The following RXFP2 variants were observed in gnomAD, a reference collection of about 807,000 sequenced individuals.
RXFP2 encodes relaxin receptor 2.
Under a neutral mutation model 88.6 loss-of-function variants are expected in RXFP2, and 68 were observed. That is an observed-to-expected ratio of 0.77 (90% confidence interval 0.63 to 0.94). The LOEUF (loss-of-function observed/expected upper bound fraction) is 0.94, where lower values mean the gene tolerates loss of function less well. RXFP2 is among the 40% of genes least tolerant of loss of function. The probability of loss-of-function intolerance (pLI) is 0.00; values close to 1 mark genes in which losing one functional copy is unlikely to be tolerated. For synonymous variants in RXFP2, 329 were observed against 306.8 expected (o/e 1.07, Z -0.76); for missense variants, 791 against 893.9 (o/e 0.88, Z 1.47).
intron 1 of RXFP2, among the ~76,000 whole-genome samples, chr13:31,742,178 T>C (rs1020682866): frequency 3.9e-5 from 6 of 152,138 alleles, no homozygotes; most frequent in Non-Finnish European, 7.4e-5. Flanking sequence ...GCATGAAGCA[T>C]TGAGGCTGCT....
At chr13:31,740,105 A>G (rs1871170950) in intron 1 of RXFP2, among the ~76,000 whole-genome samples, 1 of 152,164 alleles carries the variant, frequency 6.6e-6, no homozygotes, top group Admixed American at 6.5e-5. Flanking sequence ...ATTAGTAACT[A>G]TCTTGCGTGA....
intron 16 of RXFP2, among the ~76,000 whole-genome samples, 170 bp downstream of exon 16, chr13:31,793,258 C>T (rs1222397370): frequency 6.6e-6 from 1 of 152,040 alleles, no homozygotes; most frequent in Non-Finnish European, 1.5e-5. Context: ...TTTTATTAAA[C>T]TTTTTATTAG....
intron 6 of RXFP2, 80 bp downstream of exon 6, chr13:31,774,771 G>A (rs1296712053): frequency 7.4e-6 from 6 of 815,974 alleles, no homozygotes; most frequent in East Asian, 4.9e-5. Context: ...TTCAAGGCTC[G>A]ACTTGATTGT....
intron 5 of RXFP2, among the ~76,000 whole-genome samples, chr13:31,773,006 T>A (rs907457461): frequency 3.9e-5 from 6 of 152,264 alleles, no homozygotes; most frequent in Non-Finnish European, 8.8e-5. Context: ...AACTTCAATA[T>A]ACCTACAATA....
chr13:31,756,897 G>C (rs543180476), intron 1 of RXFP2, among the ~76,000 whole-genome samples: 1 of 152,036 alleles, frequency 6.6e-6, no homozygotes, highest in Non-Finnish European at 1.5e-5. Context: ...GGGATTACAG[G>C]CGTGAGCTAC....
chr13:31,762,727 T>C (rs1255576172), intron 3 of RXFP2, among the ~76,000 whole-genome samples: 3 of 152,206 alleles, frequency 2.0e-5, no homozygotes, highest in Non-Finnish European at 2.9e-5. Context: ...ACCACTTATA[T>C]ATTTTATTAT....
At position 31,765,328 on chromosome 13, in the gene RXFP2, T is replaced by G. The variant is rs7991339; in HGVS notation, c.425+186T>G. 0.21 allele frequency among the ~76,000 whole-genome samples: 31,840 copies of G among 152,160 alleles called. 3,501 individuals are homozygous for G. The highest frequency in any genetic ancestry group is 0.26 in the Middle Eastern group (75 of 294). On this transcript the variant is annotated intron_variant, in intron 4 of 17. Transcript: ENST00000298386. ...AATGGTTTACACACTGTATGTTAGA[T>G]TAGCCTGTCATCAGTTAGCTCACAA...
Position 31,802,699 on chromosome 13 carries a change from A to G in RXFP2, c.*294A>G, listed in dbSNP as rs1874414990. ...CTCTAGCTAATCAACACAACCCACC[A>G]ACAAATGACCACAGGTTGGCACTGT... On this transcript the variant is annotated 3_prime_UTR_variant, in exon 18 of 18. Coordinates refer to ENST00000298386, the MANE Select transcript of RXFP2 (RefSeq NM_130806.5). 1 of 418,526 alleles carries G rather than the reference A, an allele frequency of 2.4e-6. No homozygotes were observed. Among genetic ancestry groups the G allele is most frequent in the African/African-American group, 2.0e-5 (1 of 49,642 alleles). 25.9% of individuals were successfully genotyped at this position (418,526 alleles called of 1,614,324 possible).
At chr13:31,760,113 A>G (rs1566219037) in intron 2 of RXFP2, among the ~76,000 whole-genome samples, 1 of 151,794 alleles carries the variant, frequency 6.6e-6, no homozygotes. Context: ...TTAGAGATGG[A>G]GTCTTGCTCT....
chr13:31,799,088 C>T (rs1259296223), intron 17 of RXFP2, among the ~76,000 whole-genome samples: 2 of 152,036 alleles, frequency 1.3e-5, no homozygotes, highest in Non-Finnish European at 2.9e-5. Flanking sequence ...TGTGCATTTT[C>T]CACAGTGTTT....
intron 17 of RXFP2, among the ~76,000 whole-genome samples, chr13:31,800,220 ATGGCATGCCAC>A (rs951558741): frequency 6.6e-6 from 1 of 152,156 alleles, no homozygotes; most frequent in Non-Finnish European, 1.5e-5. Context: ...TTTACTGGTT[ATGGCATGCCAC>A]TGACAGTACC....
chr13:31,742,706 A>G (rs1871266295), intron 1 of RXFP2, among the ~76,000 whole-genome samples: 1 of 152,250 alleles, frequency 6.6e-6, no homozygotes, highest in Non-Finnish European at 1.5e-5. Flanking sequence ...TGTGAATTTT[A>G]GAGGCAAAAT....
In RXFP2 at chr13:31,786,568, A is replaced by ACCTGTCATCCAAT; in HGVS notation, c.1008_1020dup (p.Leu341ValfsTer14). On this transcript the variant is annotated frameshift_variant, in exon 13 of 18. Transcript: ENST00000298386. LOFTEE classifies it high-confidence loss of function. ...TCATCTAATGGTAAAAAAAAAAGGAACCTGTCATCCAATCCTCTTATGTAT... is the reference window on the plus strand; with the variant it reads ...TCATCTAATGGTAAAAAAAAAAGGAACCTGTCATCCAATCCTGTCATCCAATCCTCTTATGTAT... The ACCTGTCATCCAAT allele has an allele frequency of 6.5e-7, 1 of 1,544,752 alleles. No individual in the cohort carries two copies. The highest frequency in any genetic ancestry group is 8.9e-7 in the Non-Finnish European group (1 of 1,122,700).
intron 13 of RXFP2, among the ~76,000 whole-genome samples, 188 bp downstream of exon 13, chr13:31,786,825 T>C (rs1873568033): frequency 6.6e-6 from 1 of 152,212 alleles, no homozygotes; most frequent in South Asian, 2.1e-4. Flanking sequence ...ATGTATGAAG[T>C]CCATTTCTGT....
chr13:31,765,432 CTT>C (rs58728346), intron 4 of RXFP2, among the ~76,000 whole-genome samples: 19 of 149,382 alleles, frequency 1.3e-4, no homozygotes, highest in South Asian at 4.3e-4. Flanking sequence ...TGTTGAAATG[CTT>C]TTTTTTTTTG....
At position 31,774,617 on chromosome 13, in the gene RXFP2, C is replaced by A. The variant is rs1490900084; in HGVS notation, c.498-3C>A. 6.7e-7 allele frequency: 1 copy of A among 1,483,048 alleles called. No individual in the cohort carries two copies. Among genetic ancestry groups the A allele is most frequent in the Admixed American group, 1.7e-5 (1 of 59,806 alleles). The allele number at this position is 1,483,048 out of a possible 1,614,324, so 91.9% of individuals were successfully genotyped here. A position where few individuals can be genotyped will look rare whatever the true frequency, so the allele number is the denominator to read the frequency against. ...CCTGACTCTCTTATCTTATTCCTAC[C>A]AGATTTCTTCAGCATAATTGCATTA... is the stretch of plus-strand genomic sequence containing the variant. On this transcript the variant is annotated splice_polypyrimidine_tract_variant and splice_region_variant and intron_variant, in intron 5 of 17. Transcript: ENST00000298386.
At chr13:31,751,485 A>C (rs1396824988) in intron 1 of RXFP2, among the ~76,000 whole-genome samples, 1 of 152,144 alleles carries the variant, frequency 6.6e-6, no homozygotes, top group Non-Finnish European at 1.5e-5. Context: ...AGTCCTGTGC[A>C]GTTTCCACAC....
intron 1 of RXFP2, among the ~76,000 whole-genome samples, chr13:31,741,760 T>C (rs548488417): frequency 6.6e-6 from 1 of 152,322 alleles, no homozygotes; most frequent in Admixed American, 6.5e-5. Context: ...ATTTATTCAC[T>C]GTGTATCTCT....
chr13:31,793,742 T>C (rs972256577), intron 16 of RXFP2, among the ~76,000 whole-genome samples: 2 of 152,288 alleles, frequency 1.3e-5, no homozygotes, highest in Admixed American at 1.3e-4. Flanking sequence ...TTAAGGCCTT[T>C]CCTATATCCT....
Sources: allele counts gnomAD v4.1 joint callset (sites outside exome capture counted in the v4.1 genomes callset), GRCh38; gene constraint gnomAD v4.1.1; transcripts MANE v1.5; gene names NCBI Gene and HGNC (gene_info 2026-07-23, HGNC 2026-07-21).